The following GPR19 variants were observed in gnomAD, a reference collection of about 807,000 sequenced individuals.
The protein encoded by GPR19 is probable G protein-coupled receptor 19.
In GPR19, 14 loss-of-function variants were observed where a neutral mutation model predicts 28.5. That is an observed-to-expected ratio of 0.49 (90% CI 0.32 to 0.77). The LOEUF (loss-of-function observed/expected upper bound fraction) is 0.77. Among genes scored for constraint, GPR19 ranks in the 30% least tolerant of loss-of-function variants. GPR19 has a pLI of 0.03. For missense variants in GPR19, 409 were observed against 504.1 expected (o/e 0.81, Z 1.81); for synonymous variants, 173 against 184.1 (o/e 0.94, Z 0.49).
chr12:12,701,084 T>C (rs1163140519), upstream of GPR19, among the ~76,000 whole-genome samples: 3 of 152,184 alleles, frequency 2.0e-5, no homozygotes, highest in Non-Finnish European at 4.4e-5. Context: ...ATTTTGTCTT[T>C]TTTATCAATC....
the GPR19 span, chr12:12,716,679 G>A: frequency 1.5e-5 from 12 of 804,778 alleles, no homozygotes; most frequent in Non-Finnish European, 1.8e-5. Flanking sequence ...TTCATGATAA[G>A]TGCCGCGTCT....
chr12:12,704,635 G>A, the GPR19 span, among the ~76,000 whole-genome samples: 4 of 152,192 alleles, frequency 2.6e-5, no homozygotes, highest in Non-Finnish European at 4.4e-5. Flanking sequence ...ATTAAATTTG[G>A]TGGGGATTAA....
chr12:12,680,362 G>A (rs1227478634), intron 3 of GPR19, among the ~76,000 whole-genome samples: 1 of 152,194 alleles, frequency 6.6e-6, no homozygotes, highest in Non-Finnish European at 1.5e-5. Context: ...GAGTTGCTAT[G>A]AGAATTAAAC....
chr12:12,698,386 C>T (rs927624683), upstream of GPR19, among the ~76,000 whole-genome samples: 1 of 152,104 alleles, frequency 6.6e-6, no homozygotes, highest in Admixed American at 6.6e-5. Flanking sequence ...GGCATACTCC[C>T]CTGTGATTAC....
intron 2 of GPR19, among the ~76,000 whole-genome samples, chr12:12,686,423 A>G (rs900505914): frequency 2.6e-5 from 4 of 152,248 alleles, no homozygotes; most frequent in Non-Finnish European, 4.4e-5. Flanking sequence ...TAGATATTGA[A>G]GAAATTCTTT....
chr12:12,700,596 A>C (rs534771168), upstream of GPR19, among the ~76,000 whole-genome samples: 2 of 152,318 alleles, frequency 1.3e-5, no homozygotes, highest in South Asian at 4.1e-4. Context: ...AAACCTTTGC[A>C]ACTTTGTTAG....
chr12:12,682,884 C>T (rs937667070), intron 3 of GPR19, among the ~76,000 whole-genome samples: 4 of 152,122 alleles, frequency 2.6e-5, no homozygotes, highest in African/African-American at 9.7e-5. Flanking sequence ...CTCTTTTACC[C>T]TTAAAAACCT....
At chr12:12,662,648 C>T (rs1220826645) in intron 3 of GPR19, among the ~76,000 whole-genome samples, 178 bp from the exon 4 acceptor site, 1 of 152,222 alleles carries the variant, frequency 6.6e-6, no homozygotes, top group Non-Finnish European at 1.5e-5. Flanking sequence ...CTGGCCCCAA[C>T]TTTGTTTTCA....
intron 3 of GPR19, among the ~76,000 whole-genome samples, chr12:12,677,433 A>G (rs189077343): frequency 6.6e-6 from 1 of 151,880 alleles, no homozygotes; most frequent in African/African-American, 2.4e-5. Flanking sequence ...TTATATTTGT[A>G]TATTTGCTCT....
upstream of GPR19, among the ~76,000 whole-genome samples, chr12:12,698,405 T>G (rs10492235): frequency 0.14 from 21,826 of 152,154 alleles, 1,936 homozygotes; most frequent in East Asian, 0.31. Flanking sequence ...ACTCTGATAC[T>G]GTAAAGTAAT....
chr12:12,705,414 T>C, the GPR19 span, among the ~76,000 whole-genome samples: 91 of 152,352 alleles, frequency 6.0e-4, 1 homozygote, highest in East Asian at 0.014. Flanking sequence ...GATGCTGTTC[T>C]ACAGTGATTT....
At chr12:12,706,282 ACT>A in the GPR19 span, among the ~76,000 whole-genome samples, 3 of 151,614 alleles carry the variant, frequency 2.0e-5, no homozygotes, top group Non-Finnish European at 4.4e-5. Flanking sequence ...TCCTTGGAAC[ACT>A]CTCTTTACTT....
Position 12,661,045 on chromosome 12 carries a change from TA to T in GPR19, c.*155del, listed in dbSNP as rs1482043869. The T allele has an allele frequency of 1.9e-5, 11 of 569,288 alleles. No individual in the cohort carries two copies. Among genetic ancestry groups the T allele is most frequent in the East Asian group, 1.7e-4 (6 of 34,396 alleles). The allele number at this position is 569,288 out of a possible 1,614,324, so 35.3% of individuals were successfully genotyped here. A position where few individuals can be genotyped will look rare whatever the true frequency, so the allele number is the denominator to read the frequency against. ...CCTAAAACATAAAAAGCAAGTAAAA[TA>T]AAACCCACAAAAACTACAGTAAACA... On this transcript the variant is annotated 3_prime_UTR_variant, in exon 4 of 4. Transcript: ENST00000651487. This position sits in a 1 kb window ranked among gnomAD's most constrained non-coding sequence, Gnocchi z 4.2.
intron 3 of GPR19, among the ~76,000 whole-genome samples, chr12:12,670,638 A>G (rs1945842423): frequency 6.6e-6 from 1 of 152,220 alleles, no homozygotes; most frequent in South Asian, 2.1e-4. Flanking sequence ...AGTTCTACAA[A>G]ACACCTAGTT....
chr12:12,711,598 G>A, the GPR19 span, among the ~76,000 whole-genome samples: 2 of 152,202 alleles, frequency 1.3e-5, no homozygotes, highest in African/African-American at 4.8e-5. Flanking sequence ...TTGCTGGGCA[G>A]TTGTATGCTC....
chr12:12,683,656 T>C (rs1042600246), intron 3 of GPR19, among the ~76,000 whole-genome samples: 16 of 152,246 alleles, frequency 1.1e-4, no homozygotes, highest in Non-Finnish European at 1.9e-4. Flanking sequence ...AAGTATTTGT[T>C]AAATAAAGAC....
the GPR19 span, among the ~76,000 whole-genome samples, chr12:12,708,219 A>C: frequency 1.3e-5 from 2 of 151,706 alleles, no homozygotes; most frequent in African/African-American, 4.8e-5. Context: ...GGCTGGTCTC[A>C]AACTTCTGGG....
chr12:12,692,770 G>T (rs1033038990), intron 2 of GPR19, among the ~76,000 whole-genome samples: 1 of 151,584 alleles, frequency 6.6e-6, no homozygotes, highest in African/African-American at 2.4e-5. Context: ...AGTACTACTG[G>T]CCTCCAGCAG....
intron 3 of GPR19, among the ~76,000 whole-genome samples, chr12:12,672,401 T>G (rs1363319539): frequency 6.6e-6 from 1 of 152,090 alleles, no homozygotes; most frequent in Non-Finnish European, 1.5e-5. Flanking sequence ...CCTCCCTACA[T>G]TCACACAAAA....
Sources: gnomAD v4.1 joint callset for allele counts (sites outside exome capture counted in the v4.1 genomes callset) on GRCh38, gnomAD v4.1.1 for gene constraint, Gnocchi (gnomAD v3.1) non-coding constraint, MANE v1.5 for transcripts, NCBI Gene and HGNC (gene_info 2026-07-23, HGNC 2026-07-21) for gene names.